ATG7: variants seen among roughly 807,000 people sequenced by gnomAD.
The protein encoded by ATG7 is autophagy related 7.
Under a neutral mutation model 82.4 loss-of-function variants are expected in ATG7, and 70 were observed. The ratio of observed to expected loss-of-function variants is 0.85; its 90% CI spans 0.70 to 1.04. ATG7 has a LOEUF of 1.04. Ranked by LOEUF, ATG7 falls within the 50% of genes least tolerant of loss-of-function variation. ATG7 has a pLI of 0.00. For synonymous variants in ATG7, 287 were observed against 313.0 expected (o/e 0.92, Z 0.88); for missense variants, 792 against 864.3 (o/e 0.92, Z 1.05).
At chr3:11,492,220 A>G (rs578088735) in intron 20 of ATG7, among the ~76,000 whole-genome samples, 77 of 152,224 alleles carry the variant, frequency 5.1e-4, no homozygotes, top group African/African-American at 1.7e-3. Context: ...GAGTGACCCG[A>G]TTTTCCAGTT....
intron 20 of ATG7, among the ~76,000 whole-genome samples, chr3:11,530,855 C>T (rs796928748): frequency 3.3e-5 from 5 of 152,286 alleles, no homozygotes; most frequent in African/African-American, 1.2e-4. Flanking sequence ...ATGGTGCACA[C>T]CTGTAATCAC....
intron 19 of ATG7, among the ~76,000 whole-genome samples, chr3:11,424,788 GCA>G (rs1319839728): frequency 6.6e-6 from 1 of 152,104 alleles, no homozygotes; most frequent in Non-Finnish European, 1.5e-5. Context: ...GATGATACAT[GCA>G]TAAACAAGTA....
At chr3:11,434,375 A>C (rs1246912064) in intron 20 of ATG7, among the ~76,000 whole-genome samples, 1 of 152,186 alleles carries the variant, frequency 6.6e-6, no homozygotes, top group African/African-American at 2.4e-5. Context: ...TAGCCTGCTC[A>C]TGAATCCAGT....
At chr3:11,484,413 C>A (rs1009118222) in intron 20 of ATG7, among the ~76,000 whole-genome samples, 23 of 150,770 alleles carry the variant, frequency 1.5e-4, no homozygotes, top group African/African-American at 5.4e-4. Flanking sequence ...AACAAACAAA[C>A]AAAAAAACCA....
intron 11 of ATG7, 53 bp from the exon 12 acceptor site, chr3:11,340,592 C>T: frequency 6.6e-7 from 1 of 1,508,530 alleles, no homozygotes; most frequent in Non-Finnish European, 9.2e-7. Flanking sequence ...GCTTGATCTG[C>T]TTGTTTTTAT....
At chr3:11,569,684 G>T in the ATG7 span, among the ~76,000 whole-genome samples, 1 of 152,198 alleles carries the variant, frequency 6.6e-6, no homozygotes, top group Non-Finnish European at 1.5e-5. Flanking sequence ...CTGAGAACTG[G>T]CAGGACAGCC....
At chr3:11,469,988 C>CATAAA (rs1452567322) in intron 20 of ATG7, among the ~76,000 whole-genome samples, 1 of 87,574 alleles carries the variant, frequency 1.1e-5, no homozygotes, top group African/African-American at 4.8e-5. Context: ...GACTCCATCT[C>CATAAA]AAAAAAAAAA....
At chr3:11,459,711 A>G (rs2086120395) in intron 20 of ATG7, among the ~76,000 whole-genome samples, 1 of 152,332 alleles carries the variant, frequency 6.6e-6, no homozygotes, top group Non-Finnish European at 1.5e-5. Flanking sequence ...CTGTTCTGAT[A>G]GCCTTTTGTC....
chr3:11,511,801 T>TGG (rs2092075784), intron 20 of ATG7, among the ~76,000 whole-genome samples: 1 of 152,164 alleles, frequency 6.6e-6, no homozygotes, highest in South Asian at 2.1e-4. Context: ...CTGGTACTGC[T>TGG]GGGGTACTCA....
intron 19 of ATG7, among the ~76,000 whole-genome samples, chr3:11,426,484 C>T (rs938733244): frequency 3.3e-5 from 5 of 152,002 alleles, no homozygotes; most frequent in Non-Finnish European, 5.9e-5. Flanking sequence ...TTTTCTCTCA[C>T]CTGTTCTTTT....
At position 11,417,818 on chromosome 3, in the gene ATG7, T is replaced by A. The variant is rs1419369826; in HGVS notation, c.1957-8986T>A. Among the ~76,000 whole-genome samples, 10 of 128,852 alleles carry A rather than the reference T, an allele frequency of 7.8e-5. 1 individual carries two copies. Among genetic ancestry groups the A allele is most frequent in the Admixed American group, 1.6e-4 (2 of 12,900 alleles). 84.5% of individuals were successfully genotyped at this position (128,852 alleles called of 152,430 possible). A position where few individuals can be genotyped will look rare whatever the true frequency, so the allele number is the denominator to read the frequency against. On this transcript the variant is annotated intron_variant, in intron 19 of 20. Coordinates refer to ENST00000693202, the MANE Select transcript of ATG7 (RefSeq NM_001349232.2). ...TATTATTATTTTATTTTATTTTATT[T>A]TTTTTTTTTTTGAGACAGAGTCTTG...
chr3:11,313,207 G>A, intron 7 of ATG7, 97 bp from the exon 8 acceptor site: 1 of 692,376 alleles, frequency 1.4e-6, no homozygotes, highest in Non-Finnish European at 2.4e-6. Context: ...GCATAGCTTT[G>A]CTATCTTAAT....
In ATG7 at chr3:11,519,441, A is replaced by G. The variant is rs1242709405; in HGVS notation, c.2080-35370A>G. Among the ~76,000 whole-genome samples, 4 of 141,188 alleles carry G rather than the reference A, an allele frequency of 2.8e-5. No individual in the cohort carries two copies. The East Asian group carries it at 8.8e-4, about 31-fold the overall frequency. 92.6% of individuals were successfully genotyped at this position (141,188 alleles called of 152,430 possible). A position where few individuals can be genotyped will look rare whatever the true frequency, so the allele number is the denominator to read the frequency against. Reference sequence around the variant, plus strand: ...TTGACTTGAGAAGCACCAGTGGCTGACTCTTTCTTTCTCAGTGCGGAGGGG... The same window carrying G: ...TTGACTTGAGAAGCACCAGTGGCTGGCTCTTTCTTTCTCAGTGCGGAGGGG... On this transcript the variant is annotated intron_variant, in intron 20 of 20. Transcript: ENST00000693202.
At chr3:11,296,888 A>G (rs1559344522) in intron 3 of ATG7, among the ~76,000 whole-genome samples, 1 of 152,154 alleles carries the variant, frequency 6.6e-6, no homozygotes, top group Non-Finnish European at 1.5e-5. Context: ...CTTGATTTGA[A>G]TACCTTTTAT....
intron 18 of ATG7, among the ~76,000 whole-genome samples, chr3:11,370,842 G>C (rs2076947973): frequency 6.6e-6 from 1 of 150,600 alleles, no homozygotes; most frequent in Admixed American, 6.6e-5. Context: ...TTGAGTTTTT[G>C]TTCGGGAGTT....
chr3:11,366,446 C>T (rs1239174391), intron 18 of ATG7, among the ~76,000 whole-genome samples: 7 of 152,028 alleles, frequency 4.6e-5, no homozygotes, highest in African/African-American at 9.7e-5. Flanking sequence ...AGACATTTCA[C>T]GTAGGACCCA....
intron 20 of ATG7, among the ~76,000 whole-genome samples, chr3:11,520,246 C>T (rs930137744): frequency 2.0e-5 from 3 of 152,152 alleles, no homozygotes; most frequent in Admixed American, 1.3e-4. Context: ...CTCCACACCT[C>T]GATATGCTCC....
At chr3:11,346,762 T>C (rs1046864906) in intron 13 of ATG7, among the ~76,000 whole-genome samples, 5 of 152,208 alleles carry the variant, frequency 3.3e-5, no homozygotes, top group African/African-American at 1.2e-4. Context: ...TCTGCCTCCA[T>C]GGTAGGTTGC....
chr3:11,525,923 A>G (rs2092568376), intron 20 of ATG7, among the ~76,000 whole-genome samples: 7 of 152,042 alleles, frequency 4.6e-5, no homozygotes, highest in Admixed American at 4.6e-4. Flanking sequence ...TTAATTCCTC[A>G]TGTGTAGAGA....
Sources: allele counts gnomAD v4.1 joint callset (sites outside exome capture counted in the v4.1 genomes callset), GRCh38; gene constraint gnomAD v4.1.1; transcripts MANE v1.5; gene names NCBI Gene and HGNC (gene_info 2026-07-23, HGNC 2026-07-21).